The following TYW5 variants were observed in gnomAD, a reference collection of about 807,000 sequenced individuals.
TYW5 encodes the protein tRNA-yW synthesizing protein 5, also known as tRNA wybutosine-synthesizing protein 5.
Under a neutral mutation model 44.4 loss-of-function variants are expected in TYW5, and 36 were observed. The ratio of observed to expected loss-of-function variants is 0.81; its 90% CI spans 0.62 to 1.07. The LOEUF (loss-of-function observed/expected upper bound fraction) is 1.07, where lower values mean the gene tolerates loss of function less well. Ranked by LOEUF, TYW5 falls within the 50% of genes least tolerant of loss-of-function variation. The probability of loss-of-function intolerance (pLI) is 0.00; values close to 1 mark genes in which losing one functional copy is unlikely to be tolerated. For missense variants in TYW5, 354 were observed against 365.7 expected, an observed-to-expected ratio of 0.97 and a Z score of 0.26; for synonymous variants, 121 against 128.1, an observed-to-expected ratio of 0.94 and a Z score of 0.37.
chr2:199,953,721 T>C (rs1403676666), intron 1 of TYW5, among the ~76,000 whole-genome samples: 1 of 152,214 alleles, frequency 6.6e-6, no homozygotes, highest in Non-Finnish European at 1.5e-5. Context: ...TCATACTTTT[T>C]AGTGTTTCCA....
At chr2:199,951,405 G>C (rs1007679548) in intron 1 of TYW5, among the ~76,000 whole-genome samples, 32 of 152,108 alleles carry the variant, frequency 2.1e-4, no homozygotes, top group African/African-American at 7.7e-4. Context: ...ACAGATTCAT[G>C]TGTTACTTTT....
In TYW5 at chr2:199,930,089, T is replaced by TCTTAGC. The variant is rs1446748867; in HGVS notation, c.*2972_*2977dup. ...CTCCCAGGCTCAAGTGATCCTCCTA[T>TCTTAGC]CTTAGCCTCCTGAGTAGCTGGGACT... On this transcript the variant is annotated 3_prime_UTR_variant, in exon 8 of 8. Coordinates refer to ENST00000354611, the MANE Select transcript of TYW5 (RefSeq NM_001039693.3). The TCTTAGC allele has an allele frequency of 6.6e-6, 1 of 150,804 alleles. No individual in the cohort carries two copies. The highest frequency in any genetic ancestry group is 1.5e-5 in the Non-Finnish European group (1 of 67,926). 9.3% of individuals were successfully genotyped at this position (150,804 alleles called of 1,614,324 possible).
intron 7 of TYW5, among the ~76,000 whole-genome samples, chr2:199,935,700 T>C (rs577661506): frequency 2.0e-5 from 3 of 148,086 alleles, no homozygotes; most frequent in African/African-American, 7.4e-5. Flanking sequence ...TTATAATAAG[T>C]TTGCCTAGGC....
Position 199,933,251 on chromosome 2 carries a change from G to A in TYW5, c.764C>T (p.Ser255Phe), listed in dbSNP as rs767524681. Residue 255 changes from serine (S) to phenylalanine (F), a missense_variant, in exon 8 of 8, where the codon TCT becomes TTT. Transcript: ENST00000354611. The part of the protein sequence containing the change: ...GVNIFWKHLP[S>F]ECYDKTDTYG... ...GGTATCTGTTTTATCATAGCATTCA[G>A]ATGGAAGGTGCTTCCAAAAGATATT... The A allele has an allele frequency of 8.1e-6, 13 of 1,613,984 alleles. No individual in the cohort carries two copies. The highest frequency in any genetic ancestry group is 9.3e-6 in the Non-Finnish European group (11 of 1,179,942).
In TYW5 at chr2:199,948,369, T is replaced by C. The variant is rs1375349854; in HGVS notation, c.182A>G (p.His61Arg). 2 of 1,614,194 alleles carry C rather than the reference T, an allele frequency of 1.2e-6. No individual in the cohort carries two copies. The highest frequency in any genetic ancestry group is 8.5e-7 in the Non-Finnish European group (1 of 1,180,024). The change falls in exon 2 of 8, where the codon CAT becomes CGT. Residue 61 changes from histidine (H) to arginine (R), a missense_variant. Physicochemically the swap from His to Arg is conservative, Grantham distance 29. Transcript: ENST00000354611. The stretch of plus-strand genomic sequence containing the variant: ...GTCCATCTGTGCAACTGCAGCAACA[T>C]GAATCTTTACTTCTTTCTTCCCTCC... ...QVGGKKEVKI[H>R]VAAVAQMDFI...
At chr2:199,949,916 A>G (rs1410911310) in intron 1 of TYW5, among the ~76,000 whole-genome samples, 1 of 152,176 alleles carries the variant, frequency 6.6e-6, no homozygotes, top group Non-Finnish European at 1.5e-5. Context: ...TACCCAAATT[A>G]TCCCAGATTT....
intron 1 of TYW5, among the ~76,000 whole-genome samples, chr2:199,953,813 C>G (rs1033207640): frequency 2.0e-5 from 3 of 152,152 alleles, no homozygotes; most frequent in Admixed American, 2.0e-4. Context: ...TTGTAATTTT[C>G]GACTTTTTAA....
chr2:199,936,079 T>C (rs764347886), intron 6 of TYW5, 32 bp from the exon 7 acceptor site: 20 of 1,212,944 alleles, frequency 1.6e-5, no homozygotes, highest in Non-Finnish European at 2.2e-5. Context: ...TAATATAGAT[T>C]CAGCAAAGTT....
At chr2:199,943,497 T>A (rs1369068250) in intron 3 of TYW5, 1 of 294,386 alleles carries the variant, frequency 3.4e-6, no homozygotes, top group Non-Finnish European at 6.2e-6. Flanking sequence ...ACTATTTTAT[T>A]TAGTTAATCC....
intron 1 of TYW5, among the ~76,000 whole-genome samples, chr2:199,950,466 AG>A (rs1170205608): frequency 6.6e-6 from 1 of 152,170 alleles, no homozygotes; most frequent in Non-Finnish European, 1.5e-5. Flanking sequence ...AACACAGATG[AG>A]AAAAAAAATC....
rs757336240 is a variant in TYW5, at chr2:199,933,266, CA to C, written c.748del (p.Trp250GlyfsTer34). 1.9e-6 allele frequency: 3 copies of C among 1,613,682 alleles called. No individual in the cohort carries two copies. The highest frequency in any genetic ancestry group is 2.5e-6 in the Non-Finnish European group (3 of 1,179,856). On this transcript the variant is annotated frameshift_variant, in exon 8 of 8. Transcript: ENST00000354611. LOFTEE classifies it high-confidence loss of function. ...EEFGVGVNIF[W>X]KHLPSECYDK... ...ATAGCATTCAGATGGAAGGTGCTTC[CA>C]AAAGATATTCACTCCCACTCCAAAC...
intron 1 of TYW5, among the ~76,000 whole-genome samples, chr2:199,950,295 T>C (rs2077534862): frequency 6.6e-6 from 1 of 152,184 alleles, no homozygotes; most frequent in African/African-American, 2.4e-5. Flanking sequence ...AATTCCCATT[T>C]TCAGCAGTGG....
intron 2 of TYW5, chr2:199,947,470 TA>T (rs1431394620): frequency 1.3e-5 from 2 of 152,198 alleles, no homozygotes; most frequent in Non-Finnish European, 2.9e-5. Context: ...TTCCACAGCA[TA>T]AAATAACCAT....
chr2:199,953,806 T>C (rs890794803), intron 1 of TYW5, among the ~76,000 whole-genome samples: 1 of 152,232 alleles, frequency 6.6e-6, no homozygotes, highest in Non-Finnish European at 1.5e-5. Flanking sequence ...AAGTTGTTTG[T>C]AATTTTCGAC....
chr2:199,936,004 A>G lies in TYW5; in HGVS notation c.618T>C (p.Ala206=). 1 of 1,613,308 alleles carries G rather than the reference A, an allele frequency of 6.2e-7. No individual in the cohort carries two copies. The highest frequency in any genetic ancestry group is 8.5e-7 in the Non-Finnish European group (1 of 1,179,462). The change falls in exon 7 of 8, where the codon GCT becomes GCC. Residue 206 remains alanine, a synonymous_variant. Transcript: ENST00000354611. ...TAGCCTTGGAAAAAAGTGGATATTT[A>G]GCCAAGTCTGGGTTATCTATATTCA... ...EVLNIDNPDL[A]KYPLFSKARR...
intron 5 of TYW5, among the ~76,000 whole-genome samples, chr2:199,938,353 C>T (rs528728499): frequency 1.6e-4 from 24 of 152,088 alleles, no homozygotes; most frequent in Non-Finnish European, 3.2e-4. Flanking sequence ...TGTGAGCCAC[C>T]GCGCCCAGCA....
In TYW5 at chr2:199,951,517, A is replaced by G. The variant is rs190851356; in HGVS notation, c.79-3045T>C. 2.3e-3 allele frequency among the ~76,000 whole-genome samples: 343 copies of G among 152,328 alleles called. 1 individual carries two copies. The highest frequency in any genetic ancestry group is 3.9e-3 in the Non-Finnish European group (264 of 68,024). On this transcript the variant is annotated intron_variant, in intron 1 of 7. Transcript: ENST00000354611. Reference sequence around the variant, plus strand: ...AACATCCATGTGATTCCCCAAATCAAAACTATACAAAAGTCACCCCATCCA... The same window carrying G: ...AACATCCATGTGATTCCCCAAATCAGAACTATACAAAAGTCACCCCATCCA...
chr2:199,936,158 G>C, intron 6 of TYW5, 111 bp from the exon 7 acceptor site: 1 of 749,044 alleles, frequency 1.3e-6, no homozygotes. Context: ...GTTACTTACT[G>C]TACCAACACT....
Position 199,930,553 on chromosome 2 carries a change from T to G in TYW5, c.*2514A>C, listed in dbSNP as rs1385984674. ...GATCTGACCTCGTGATCTGCCCACC[T>G]CGGCCTCCCAAAGTGCTGGGATTAC... is the stretch of plus-strand genomic sequence containing the variant. On this transcript the variant is annotated 3_prime_UTR_variant, in exon 8 of 8. Transcript: ENST00000354611. The G allele has an allele frequency of 6.6e-6, 1 of 152,370 alleles. No homozygotes were observed. The highest frequency in any genetic ancestry group is 1.9e-4 in the East Asian group (1 of 5,188). 9.4% of individuals were successfully genotyped at this position (152,370 alleles called of 1,614,324 possible).
Sources: gnomAD v4.1 joint callset for allele counts (sites outside exome capture counted in the v4.1 genomes callset) on GRCh38, gnomAD v4.1.1 for gene constraint, MANE v1.5 for transcripts, NCBI Gene and HGNC (gene_info 2026-07-23, HGNC 2026-07-21) for gene names.